The following CHKA variants were observed in gnomAD, a reference collection of about 807,000 sequenced individuals.
CHKA encodes choline kinase alpha.
Under a neutral mutation model 60.1 loss-of-function variants are expected in CHKA, and 34 were observed. The ratio of observed to expected loss-of-function variants is 0.57; its 90% CI spans 0.43 to 0.75. CHKA has a LOEUF of 0.75. Ranked by LOEUF, CHKA falls within the 30% of genes least tolerant of loss-of-function variation. The pLI is 0.00. For synonymous variants in CHKA, 217 were observed against 223.1 expected (o/e 0.97, Z 0.24); for missense variants, 563 against 561.3 (o/e 1.00, Z -0.03).
At chr11:68,066,360 A>G (rs978256769) in intron 8 of CHKA, 69 bp downstream of exon 8, 39 of 1,285,810 alleles carry the variant, frequency 3.0e-5, no homozygotes, top group Non-Finnish European at 4.0e-5. Flanking sequence ...TTCTCTAATA[A>G]CTGTTAATTA....
chr11:68,119,035 G>A (rs889111837), intron 1 of CHKA, among the ~76,000 whole-genome samples: 1 of 152,144 alleles, frequency 6.6e-6, no homozygotes, highest in Non-Finnish European at 1.5e-5. Context: ...TCTCCTTTAG[G>A]TTTTCCATTT....
chr11:68,054,933 T>C (rs1855949660), intron 11 of CHKA, among the ~76,000 whole-genome samples: 1 of 152,242 alleles, frequency 6.6e-6, no homozygotes, highest in Admixed American at 6.5e-5. Flanking sequence ...CAGCCTCGTG[T>C]CTGGCTTCTC....
At chr11:68,120,044 C>T (rs1858557524) in intron 1 of CHKA, among the ~76,000 whole-genome samples, 1 of 152,000 alleles carries the variant, frequency 6.6e-6, no homozygotes, top group Non-Finnish European at 1.5e-5. Context: ...GCCTAACGAA[C>T]ATGGAGAAAC....
chr11:68,108,661 G>A (rs1287961484), intron 1 of CHKA, among the ~76,000 whole-genome samples: 9 of 152,060 alleles, frequency 5.9e-5, no homozygotes, highest in African/African-American at 4.8e-5. Context: ...AGAGAATGGC[G>A]TGAACCTGGG....
At chr11:68,108,854 C>G (rs918277662) in intron 1 of CHKA, among the ~76,000 whole-genome samples, 1 of 152,162 alleles carries the variant, frequency 6.6e-6, no homozygotes, top group African/African-American at 2.4e-5. Flanking sequence ...ACCAAATCAG[C>G]ACTAGGGTAG....
chr11:68,062,633 C>G (rs1856291032), intron 10 of CHKA, among the ~76,000 whole-genome samples: 2 of 152,322 alleles, frequency 1.3e-5, no homozygotes, highest in Admixed American at 1.3e-4. Flanking sequence ...ACCCTGAGGG[C>G]TCATCCACAT....
chr11:68,088,458 C>T (rs1005465340), intron 2 of CHKA, among the ~76,000 whole-genome samples: 1 of 152,032 alleles, frequency 6.6e-6, no homozygotes, highest in African/African-American at 2.4e-5. Context: ...ATTTTTAATA[C>T]AGGGGTGGCA....
At chr11:68,114,344 T>C (rs1858302106) in intron 1 of CHKA, among the ~76,000 whole-genome samples, 1 of 152,160 alleles carries the variant, frequency 6.6e-6, no homozygotes, top group African/African-American at 2.4e-5. Flanking sequence ...TAAACTGTGG[T>C]ATATCCAGAT....
chr11:68,103,933 A>T (rs188825599), intron 1 of CHKA, among the ~76,000 whole-genome samples: 2 of 151,860 alleles, frequency 1.3e-5, no homozygotes, highest in African/African-American at 4.8e-5. Context: ...AAAATAAATA[A>T]ATTAATTAAA....
At chr11:68,075,809 AG>A (rs1856768305) in intron 3 of CHKA, among the ~76,000 whole-genome samples, 1 of 152,176 alleles carries the variant, frequency 6.6e-6, no homozygotes, top group African/African-American at 2.4e-5. Context: ...GCTTTTGCAA[AG>A]AGATTCCTAG....
At position 68,120,947 on chromosome 11, in the gene CHKA, C is replaced by A; in HGVS notation, c.231G>T (p.Pro77=). Residue 77 remains proline, a synonymous_variant, in exon 1 of 12, where the codon CCG becomes CCT. Transcript: ENST00000265689. The part of the protein sequence containing the change: ...LPLPQPPPPQ[P]PADEQPEPRT... Reference sequence around the variant, plus strand: ...GGGGCTCCGGCTGCTCGTCTGCGGGCGGCTGCGGCGGCGGGGGCTGGGGCA... The same window carrying A: ...GGGGCTCCGGCTGCTCGTCTGCGGGAGGCTGCGGCGGCGGGGGCTGGGGCA... 8.5e-7 allele frequency: 1 copy of A among 1,172,172 alleles called. No homozygotes were observed. Among genetic ancestry groups the A allele is most frequent in the Non-Finnish European group, 1.1e-6 (1 of 944,666 alleles). The allele number at this position is 1,172,172 out of a possible 1,614,324, so 72.6% of individuals were successfully genotyped here. A position where few individuals can be genotyped will look rare whatever the true frequency, so the allele number is the denominator to read the frequency against.
chr11:68,113,607 ACTGCTTGAAC>A (rs1241128334), intron 1 of CHKA, among the ~76,000 whole-genome samples: 1 of 152,128 alleles, frequency 6.6e-6, no homozygotes, highest in Non-Finnish European at 1.5e-5. Flanking sequence ...GAGGCAGAGA[ACTGCTTGAAC>A]CCGGGAGGCG....
intron 2 of CHKA, among the ~76,000 whole-genome samples, chr11:68,085,409 C>A (rs1225383943): frequency 3.3e-5 from 5 of 151,268 alleles, no homozygotes; most frequent in Admixed American, 3.3e-4. Flanking sequence ...CTTGTAGAGA[C>A]AAGATCTCAC....
At chr11:68,088,229 A>AT (rs1018054118) in intron 2 of CHKA, among the ~76,000 whole-genome samples, 1 of 151,498 alleles carries the variant, frequency 6.6e-6, no homozygotes, top group African/African-American at 2.4e-5. Flanking sequence ...CTAATCTGGT[A>AT]TTATCTTCCT....
chr11:68,054,514 G>A (rs1281858722), intron 11 of CHKA, among the ~76,000 whole-genome samples: 2 of 152,140 alleles, frequency 1.3e-5, no homozygotes, highest in East Asian at 1.9e-4. Context: ...CTTTTAAGAA[G>A]GACACTGAGA....
chr11:68,096,652 A>T (rs565950368), intron 2 of CHKA, among the ~76,000 whole-genome samples: 1 of 152,306 alleles, frequency 6.6e-6, no homozygotes, highest in African/African-American at 2.4e-5. Context: ...GGATAATGTT[A>T]TAAAAACAAT....
At chr11:68,080,205 C>G (rs1403821551) in intron 3 of CHKA, among the ~76,000 whole-genome samples, 3 of 152,164 alleles carry the variant, frequency 2.0e-5, no homozygotes, top group African/African-American at 7.2e-5. Context: ...CACTGTCACT[C>G]CAGAGAGCAC....
chr11:68,064,008 G>T (rs912853189), intron 10 of CHKA, among the ~76,000 whole-genome samples: 1 of 152,162 alleles, frequency 6.6e-6, no homozygotes, highest in African/African-American at 2.4e-5. Context: ...AATATACTTT[G>T]CCTGCTGTAT....
intron 1 of CHKA, among the ~76,000 whole-genome samples, chr11:68,099,312 T>C (rs1360625957): frequency 1.3e-5 from 2 of 152,250 alleles, no homozygotes; most frequent in Non-Finnish European, 2.9e-5. Flanking sequence ...AATGGGTGAA[T>C]TGTATGGTTT....
Sources: allele counts gnomAD v4.1 joint callset (sites outside exome capture counted in the v4.1 genomes callset), GRCh38; gene constraint gnomAD v4.1.1; transcripts MANE v1.5; gene names NCBI Gene and HGNC (gene_info 2026-07-23, HGNC 2026-07-21).